The following CAMK2A variants were observed in gnomAD, a reference collection of about 807,000 sequenced individuals.
CAMK2A encodes the protein calcium/calmodulin-dependent protein kinase type II subunit alpha.
CAMK2A carries 7 observed loss-of-function variants against 79.2 expected under a neutral mutation model. The ratio of observed to expected loss-of-function variants is 0.09; its 90% CI spans 0.05 to 0.17. The LOEUF (loss-of-function observed/expected upper bound fraction) is 0.17. CAMK2A is among the 10% of genes least tolerant of loss of function. The probability of loss-of-function intolerance (pLI) is 1.00; values close to 1 mark genes in which losing one functional copy is unlikely to be tolerated. For synonymous variants in CAMK2A, 242 were observed against 251.7 expected (o/e 0.96, Z 0.36); for missense variants, 214 against 646.4 (o/e 0.33, Z 7.25).
At chr5:150,260,446 G>T (rs1051709100) in intron 3 of CAMK2A, among the ~76,000 whole-genome samples, 2 of 143,884 alleles carry the variant, frequency 1.4e-5, no homozygotes, top group Admixed American at 7.1e-5. Context: ...GTGACAGGGT[G>T]AGAGTCCGTC....
chr5:150,250,619 A>T, intron 10 of CAMK2A, 69 bp downstream of exon 10: 1 of 1,593,550 alleles, frequency 6.3e-7, no homozygotes, highest in South Asian at 1.1e-5. Context: ...AAGGGCCAGA[A>T]CTCTGTGGGG....
In CAMK2A at chr5:150,223,597, T is replaced by C. The variant is rs1754456614; in HGVS notation, c.1238-380A>G. Among the ~76,000 whole-genome samples, 1 of 152,162 alleles carries C rather than the reference T, an allele frequency of 6.6e-6. No individual in the cohort carries two copies. Among genetic ancestry groups the C allele is most frequent in the African/African-American group, 2.4e-5 (1 of 41,434 alleles). ...AGGCAGGCACATAAACAACGGGGGC[T>C]GAGCTGGGTATAAGATGCTAAATGA... On this transcript the variant is annotated intron_variant, in intron 17 of 18. Transcript: ENST00000671881. The surrounding 1 kb of genome is among the most constrained non-coding windows in gnomAD (Gnocchi z 4.1).
Position 150,239,733 on chromosome 5 carries a change from T to C in CAMK2A, c.988A>G (p.Arg330Gly). The C allele has an allele frequency of 6.2e-7, 1 of 1,613,798 alleles. No homozygotes were observed. Among genetic ancestry groups the C allele is most frequent in the African/African-American group, 1.3e-5 (1 of 74,980 alleles). Residue 330 changes from arginine to glycine, a missense_variant, in exon 14 of 19, where the codon AGA becomes GGA. Arg to Gly is a moderately radical substitution (Grantham distance 125). This residue lies in a region of CAMK2A where 123 missense variants were observed against 242.4 expected (regional missense o/e 0.51). Transcript: ENST00000671881. The stretch of plus-strand genomic sequence containing the variant: ...AACTGAACGCTGGAACTGGACTTTC[T>C]TTTCTGGAAAAACAAGGAGAAGAGA... ...GNKKSDGVKK[R>G]KSSSSVQLME...
chr5:150,286,209 T>A (rs1393811029), intron 1 of CAMK2A, among the ~76,000 whole-genome samples: 2 of 152,170 alleles, frequency 1.3e-5, no homozygotes, highest in Non-Finnish European at 2.9e-5. Context: ...CATCTCTGGA[T>A]CCCAAGAGAC....
intron 3 of CAMK2A, among the ~76,000 whole-genome samples, chr5:150,257,948 C>T (rs895611676): frequency 3.9e-4 from 59 of 152,242 alleles, no homozygotes; most frequent in African/African-American, 1.3e-3. Flanking sequence ...ATCTCTGCCA[C>T]TTACTAGCCG....
chr5:150,237,768 G>A (rs1045962272), intron 15 of CAMK2A, among the ~76,000 whole-genome samples: 1 of 152,200 alleles, frequency 6.6e-6, no homozygotes, highest in Admixed American at 6.5e-5. Flanking sequence ...TCCAGATAAG[G>A]TGCTGAGACC....
intron 16 of CAMK2A, among the ~76,000 whole-genome samples, chr5:150,230,317 CAAAAAAAAAAA>C (rs1216883745): frequency 2.1e-4 from 13 of 60,608 alleles, no homozygotes; most frequent in South Asian, 8.0e-4. Flanking sequence ...GACTCCGTCT[CAAAAAAAAAAA>C]AAAAAAAAAA....
intron 1 of CAMK2A, among the ~76,000 whole-genome samples, chr5:150,287,294 G>T (rs577499098): frequency 2.6e-5 from 4 of 152,312 alleles, no homozygotes; most frequent in African/African-American, 9.6e-5. Context: ...GCAACATTTC[G>T]TAGGTTTGTG....
chr5:150,231,633 G>A (rs1754850112), intron 15 of CAMK2A, among the ~76,000 whole-genome samples: 1 of 147,364 alleles, frequency 6.8e-6, no homozygotes, highest in African/African-American at 2.5e-5. Context: ...AAAAAAAGGT[G>A]TGAAAGTTCC....
chr5:150,239,566 C>T, intron 14 of CAMK2A, 138 bp downstream of exon 14: 1 of 755,620 alleles, frequency 1.3e-6, no homozygotes, highest in East Asian at 2.5e-5. Context: ...CACATATTGT[C>T]ACACAAGGCA....
intron 12 of CAMK2A, among the ~76,000 whole-genome samples, chr5:150,245,604 C>T (rs899072086): frequency 6.6e-6 from 1 of 152,216 alleles, no homozygotes; most frequent in African/African-American, 2.4e-5. Flanking sequence ...CACCCTGGCC[C>T]TCTCTAATTT....
At position 150,251,967 on chromosome 5, in the gene CAMK2A, T is replaced by G. The variant is rs765408001; in HGVS notation, c.598+15A>C. 1.2e-6 allele frequency: 2 copies of G among 1,611,942 alleles called. No homozygotes were observed. Among genetic ancestry groups the G allele is most frequent in the Non-Finnish European group, 1.7e-6 (2 of 1,178,340 alleles). On this transcript the variant is annotated intron_variant, in intron 8 of 18. Coordinates refer to ENST00000671881, the MANE Select transcript of CAMK2A (RefSeq NM_015981.4). ...GTGCAGCCAGGGGCACAAAAGGGCC[T>G]TAGGATGAACTCACCACAAGCCCAC...
intron 9 of CAMK2A, 59 bp downstream of exon 9, chr5:150,251,691 G>T: frequency 7.5e-7 from 1 of 1,333,128 alleles, no homozygotes; most frequent in Non-Finnish European, 1.0e-6. Context: ...GCTTGGCGCT[G>T]GCTTTCACTG....
At position 150,239,752 on chromosome 5, in the gene CAMK2A, G is replaced by A. The variant is rs190799784; in HGVS notation, c.985-16C>T. On this transcript the variant is annotated splice_polypyrimidine_tract_variant and intron_variant, in intron 13 of 18. Coordinates refer to ENST00000671881, the MANE Select transcript of CAMK2A (RefSeq NM_015981.4). ...ACTTTCTTTTCTGGAAAAACAAGGA[G>A]AAGAGATGGGACAGGAAAAGACACA... is the stretch of plus-strand genomic sequence containing the variant. The A allele has an allele frequency of 1.1e-4, 175 of 1,611,910 alleles. 1 individual carries two copies. The African/African-American group carries it at 1.9e-3, about 17-fold the overall frequency.
At chr5:150,280,916 C>T (rs986223653) in intron 1 of CAMK2A, among the ~76,000 whole-genome samples, 1 of 152,208 alleles carries the variant, frequency 6.6e-6, no homozygotes, top group East Asian at 1.9e-4. Context: ...TCTGGGGAGG[C>T]TCTGGGCATT....
At chr5:150,226,197 T>C (rs1754590357) in intron 17 of CAMK2A, among the ~76,000 whole-genome samples, 1 of 152,134 alleles carries the variant, frequency 6.6e-6, no homozygotes, top group Non-Finnish European at 1.5e-5. Context: ...GGTAGGAGTG[T>C]CAGTCCCAGT....
Position 150,256,675 on chromosome 5 carries a change from T to C in CAMK2A, c.339-30A>G, listed in dbSNP as rs376442465. Reference sequence around the variant, plus strand: ...GGAGAGAGAGAGGAAGGGGTCATGGTGGTGTGAGCACAGGCCTCCCCTGGG... The same window carrying C: ...GGAGAGAGAGAGGAAGGGGTCATGGCGGTGTGAGCACAGGCCTCCCCTGGG... On this transcript the variant is annotated intron_variant, in intron 5 of 18. Transcript: ENST00000671881. This position sits in a 1 kb window ranked among gnomAD's most constrained non-coding sequence, Gnocchi z 4.6. 1.1e-4 allele frequency: 178 copies of C among 1,611,414 alleles called. No homozygotes were observed. The African/African-American group carries it at 2.2e-3, about 20-fold the overall frequency.
intron 4 of CAMK2A, 56 bp downstream of exon 4, chr5:150,257,507 C>T: frequency 2.1e-6 from 3 of 1,455,678 alleles, no homozygotes; most frequent in Non-Finnish European, 2.8e-6. Context: ...GTGAGGCCAT[C>T]ACTGGTTAGG....
chr5:150,243,127 G>C (rs72837597), intron 13 of CAMK2A, among the ~76,000 whole-genome samples: 5,994 of 152,292 alleles, frequency 0.039, 162 homozygotes, highest in Admixed American at 0.081. Context: ...CCCTAAAAGA[G>C]CTAATAAGCA....
Sources: allele counts gnomAD v4.1 joint callset (sites outside exome capture counted in the v4.1 genomes callset), GRCh38; gene constraint gnomAD v4.1.1; regional missense constraint gnomAD v4.1.1; non-coding constraint Gnocchi (gnomAD v3.1); transcripts MANE v1.5; gene names NCBI Gene and HGNC (gene_info 2026-07-23, HGNC 2026-07-21).